Variants in ACYP2 observed in about 807,000 individuals in gnomAD.
ACYP2 encodes acylphosphatase-2.
ACYP2 carries 12 observed loss-of-function variants against 11.2 expected under a neutral mutation model. The ratio of observed to expected loss-of-function variants is 1.08; its 90% CI spans 0.69 to 1.74. The LOEUF (loss-of-function observed/expected upper bound fraction) is 1.74. Among genes scored for constraint, ACYP2 ranks in the 40% most tolerant of loss-of-function variants. The pLI, the probability that ACYP2 is intolerant of heterozygous loss-of-function variation, is 0.00. For synonymous variants in ACYP2, 43 were observed against 32.2 expected, an observed-to-expected ratio of 1.33 and a Z score of -1.13; for missense variants, 134 against 101.9, an observed-to-expected ratio of 1.31 and a Z score of -1.35.
intron 6 of ACYP2, among the ~76,000 whole-genome samples, chr2:54,297,863 C>A (rs1298329333): frequency 6.6e-6 from 1 of 152,092 alleles, no homozygotes; most frequent in East Asian, 1.9e-4. Context: ...AGAAAATTTT[C>A]ACTCTTGAGG....
intron 6 of ACYP2, among the ~76,000 whole-genome samples, chr2:54,166,560 C>T (rs1287579929): frequency 2.6e-5 from 4 of 152,196 alleles, no homozygotes; most frequent in Non-Finnish European, 4.4e-5. Flanking sequence ...AAAAAAATTG[C>T]TCATTATCAT....
intron 2 of ACYP2, among the ~76,000 whole-genome samples, chr2:53,987,686 A>G (rs928250899): frequency 6.6e-6 from 1 of 152,226 alleles, no homozygotes; most frequent in East Asian, 1.9e-4. Flanking sequence ...TAAGCATGCC[A>G]TGATCTCATT....
At chr2:54,283,532 G>A (rs570306622) in intron 6 of ACYP2, among the ~76,000 whole-genome samples, 1 of 152,204 alleles carries the variant, frequency 6.6e-6, no homozygotes, top group Non-Finnish European at 1.5e-5. Flanking sequence ...TTAAGACCCT[G>A]AGACAGATTT....
intron 6 of ACYP2, among the ~76,000 whole-genome samples, chr2:54,219,325 T>A (rs955154478): frequency 6.6e-6 from 1 of 152,142 alleles, no homozygotes. Flanking sequence ...TTTGAATCAT[T>A]AGACCAGCTT....
intron 6 of ACYP2, among the ~76,000 whole-genome samples, chr2:54,288,860 T>C (rs1689189262): frequency 6.6e-6 from 1 of 151,960 alleles, no homozygotes; most frequent in Non-Finnish European, 1.5e-5. Context: ...GATTGCCAAG[T>C]CCAAACTGCA....
At chr2:53,976,723 T>G (rs1412299147) in intron 2 of ACYP2, among the ~76,000 whole-genome samples, 1 of 152,218 alleles carries the variant, frequency 6.6e-6, no homozygotes, top group East Asian at 1.9e-4. Context: ...TCAAAAATCA[T>G]TTTCATCCAG....
intron 6 of ACYP2, among the ~76,000 whole-genome samples, chr2:54,143,733 GTTTTTTT>G (rs545149069): frequency 1.0e-4 from 8 of 76,684 alleles, no homozygotes; most frequent in East Asian, 3.4e-4. Context: ...TACCCAGCCG[GTTTTTTT>G]TTTTTTTTTT....
intron 6 of ACYP2, chr2:54,254,352 G>A (rs1192096012): frequency 6.5e-6 from 1 of 152,734 alleles, no homozygotes; most frequent in Admixed American, 6.5e-5. Context: ...TCACTCAGCA[G>A]GGAGCTGCCC....
chr2:54,142,170 A>G, intron 6 of ACYP2: 2 of 356,728 alleles, frequency 5.6e-6, no homozygotes. Flanking sequence ...TTTATTTTTG[A>G]GAACAGTTTT....
intron 2 of ACYP2, among the ~76,000 whole-genome samples, chr2:53,974,832 G>C (rs1671388469): frequency 1.3e-5 from 2 of 152,170 alleles, no homozygotes; most frequent in Admixed American, 6.5e-5. Flanking sequence ...ATTGAGTTGA[G>C]AATATTTGAA....
chr2:54,197,915 T>TTTATG, intron 6 of ACYP2, among the ~76,000 whole-genome samples: 2 of 105,668 alleles, frequency 1.9e-5, no homozygotes, highest in South Asian at 1.1e-3. Context: ...TTTTATTTTA[T>TTTATG]TATTTTATTT....
chr2:53,983,450 G>A (rs1349273843), intron 2 of ACYP2, among the ~76,000 whole-genome samples: 1 of 152,150 alleles, frequency 6.6e-6, no homozygotes, highest in African/African-American at 2.4e-5. Flanking sequence ...AGGCTGCAGC[G>A]AGATGTGATT....
intron 4 of ACYP2, among the ~76,000 whole-genome samples, chr2:54,080,943 T>TA (rs1255310268): frequency 6.6e-6 from 1 of 152,190 alleles, no homozygotes; most frequent in Non-Finnish European, 1.5e-5. Context: ...TTCTATAGCT[T>TA]AAAAAAACTT....
chr2:54,090,434 G>A (rs1678164894), intron 4 of ACYP2, among the ~76,000 whole-genome samples: 1 of 152,138 alleles, frequency 6.6e-6, no homozygotes, highest in Admixed American at 6.5e-5. Context: ...TTTGAGACCA[G>A]CCTGGCCAAT....
chr2:54,026,123 CA>C (rs932105711), intron 2 of ACYP2, among the ~76,000 whole-genome samples: 28 of 152,144 alleles, frequency 1.8e-4, no homozygotes, highest in African/African-American at 5.8e-4. Flanking sequence ...TCTCAACAAA[CA>C]AACAAACAGA....
chr2:54,216,929 A>G (rs996505635), intron 6 of ACYP2, among the ~76,000 whole-genome samples: 1 of 152,210 alleles, frequency 6.6e-6, no homozygotes, highest in African/African-American at 2.4e-5. Context: ...TGTAAGTGGA[A>G]GCCCTTTCTC....
chr2:54,284,831 T>C (rs1369716701), intron 6 of ACYP2, among the ~76,000 whole-genome samples: 3 of 152,238 alleles, frequency 2.0e-5, no homozygotes, highest in Admixed American at 6.5e-5. Context: ...ACTTTGAACT[T>C]GCCAAATCCA....
intron 6 of ACYP2, among the ~76,000 whole-genome samples, chr2:54,214,120 C>G (rs1346626238): frequency 2.6e-5 from 4 of 151,926 alleles, no homozygotes; most frequent in African/African-American, 7.3e-5. Context: ...GTTTAAGTTC[C>G]TTATAGATTC....
At chr2:54,174,323 A>C (rs1003874853) in intron 6 of ACYP2, among the ~76,000 whole-genome samples, 4 of 149,054 alleles carry the variant, frequency 2.7e-5, no homozygotes, top group East Asian at 3.9e-4. Flanking sequence ...TCATGATTTG[A>C]CTGTTTGTTA....
Sources: gnomAD v4.1 joint callset for allele counts (sites outside exome capture counted in the v4.1 genomes callset) on GRCh38, gnomAD v4.1.1 for gene constraint, MANE v1.5 for transcripts, NCBI Gene and HGNC (gene_info 2026-07-23, HGNC 2026-07-21) for gene names.